The following CUX2 variants were observed in gnomAD, a reference collection of about 807,000 sequenced individuals.
The protein encoded by CUX2 is cut like homeobox 2.
A neutral mutation model predicts 144.8 loss-of-function variants in CUX2; 40 were observed. That is an observed-to-expected ratio of 0.28 (90% confidence interval 0.21 to 0.36). The LOEUF (loss-of-function observed/expected upper bound fraction) is 0.36. CUX2 is among the 10% of genes least tolerant of loss of function. The probability of loss-of-function intolerance (pLI) is 1.00; values close to 1 mark genes in which losing one functional copy is unlikely to be tolerated. For missense variants in CUX2, 1,615 were observed against 1,994.0 expected (o/e 0.81, Z 3.62); for synonymous variants, 827 against 875.6 (o/e 0.94, Z 0.98).
intron 8 of CUX2, 67 bp downstream of exon 8, chr12:111,296,606 A>C: frequency 6.9e-7 from 1 of 1,439,908 alleles, no homozygotes; most frequent in Non-Finnish European, 9.6e-7. Flanking sequence ...CCTCCTTCTG[A>C]CCCTCCAGTA....
chr12:111,051,657 A>G (rs1414677173), intron 1 of CUX2, among the ~76,000 whole-genome samples: 1 of 152,154 alleles, frequency 6.6e-6, no homozygotes, highest in Admixed American at 6.5e-5. Context: ...GACAACATAT[A>G]GTTGGATCAT....
Position 111,347,680 on chromosome 12 carries a change from G to T in CUX2, c.3816G>T (p.Val1272=). ...AGACTGAGGACCAGAAGCCAACCGTGAAGGAACTGGAGCTTCAGGAGGGCC... is the reference window on the plus strand; with the variant it reads ...AGACTGAGGACCAGAAGCCAACCGTTAAGGAACTGGAGCTTCAGGAGGGCC... The part of the protein sequence containing the change: ...DSETEDQKPT[V]KELELQEGPE... Residue 1272 remains valine, a synonymous_variant, in exon 22 of 22, where the codon GTG becomes GTT. Coordinates refer to ENST00000261726, the MANE Select transcript of CUX2 (RefSeq NM_015267.4). 3.7e-6 allele frequency: 6 copies of T among 1,613,874 alleles called. No homozygotes were observed. The highest frequency in any genetic ancestry group is 4.2e-6 in the Non-Finnish European group (5 of 1,179,958).
chr12:111,211,844 GCCACTGCACC>G (rs903383824), intron 1 of CUX2, among the ~76,000 whole-genome samples: 33 of 149,314 alleles, frequency 2.2e-4, no homozygotes, highest in South Asian at 6.4e-4. Context: ...CTGAGATGGC[GCCACTGCACC>G]CCAGCCTGGG....
At chr12:111,192,122 G>GTTTA (rs778820958) in intron 1 of CUX2, among the ~76,000 whole-genome samples, 4 of 152,018 alleles carry the variant, frequency 2.6e-5, no homozygotes, top group South Asian at 4.2e-4. Context: ...ATTATTATTT[G>GTTTA]TTTATTTATT....
intron 1 of CUX2, among the ~76,000 whole-genome samples, chr12:111,108,204 T>C (rs1357918341): frequency 6.6e-6 from 1 of 152,228 alleles, no homozygotes; most frequent in Non-Finnish European, 1.5e-5. Flanking sequence ...CATTTTGGGC[T>C]ACAGGAGTGA....
intron 1 of CUX2, among the ~76,000 whole-genome samples, chr12:111,073,340 G>T (rs942289571): frequency 1.3e-5 from 2 of 152,066 alleles, no homozygotes. Context: ...ATTACAGTTT[G>T]TTGTCATTGC....
intron 3 of CUX2, among the ~76,000 whole-genome samples, chr12:111,226,214 G>A (rs1012132959): frequency 1.3e-5 from 2 of 152,210 alleles, no homozygotes; most frequent in Non-Finnish European, 2.9e-5. Flanking sequence ...AAAGTGCTGG[G>A]ATTACAGGCG....
intron 3 of CUX2, among the ~76,000 whole-genome samples, chr12:111,231,015 CT>C: frequency 6.6e-6 from 1 of 152,096 alleles, no homozygotes; most frequent in Non-Finnish European, 1.5e-5. Flanking sequence ...TATGTATTGC[CT>C]TTTTTTCAAA....
At chr12:111,332,621 G>C (rs529129810) in intron 18 of CUX2, among the ~76,000 whole-genome samples, 1 of 135,066 alleles carries the variant, frequency 7.4e-6, no homozygotes, top group African/African-American at 3.0e-5. Context: ...TTAACTTTTC[G>C]TTTTGAGGTA....
chr12:111,109,146 AG>A (rs1873785763), intron 1 of CUX2, among the ~76,000 whole-genome samples: 1 of 152,144 alleles, frequency 6.6e-6, no homozygotes, highest in Admixed American at 6.5e-5. Context: ...TGAATTCATT[AG>A]GGGTTGCTAA....
rs1888587901 is a variant in CUX2, at chr12:111,341,764, C to A, written c.3386-16C>A. 1 of 1,565,186 alleles carries A rather than the reference C, an allele frequency of 6.4e-7. No homozygotes were observed. On this transcript the variant is annotated splice_polypyrimidine_tract_variant and intron_variant, in intron 20 of 21. Coordinates refer to ENST00000261726, the MANE Select transcript of CUX2 (RefSeq NM_015267.4). ...GGGACACCACCTCTCAGCCCTCCCT[C>A]TCTTCCTGGCCCCAGCCTACCTGAA...
In CUX2 at chr12:111,034,393, C is replaced by A. The variant is rs932828267; in HGVS notation, c.63+153C>A. On this transcript the variant is annotated intron_variant, in intron 1 of 21. Transcript: ENST00000261726. The surrounding 1 kb of genome is among the most constrained non-coding windows in gnomAD (Gnocchi z 4.2). ...CGGGGCTCGGCCGCCCGCTGCCCAT[C>A]GATAGGTATTAGGAATTGATCTCGC... Among the ~76,000 whole-genome samples the A allele has an allele frequency of 2.7e-5, 4 of 150,864 alleles. No homozygotes were observed. Among genetic ancestry groups the A allele is most frequent in the African/African-American group, 9.7e-5 (4 of 41,256 alleles).
At chr12:111,072,804 C>A (rs1455698638) in intron 1 of CUX2, among the ~76,000 whole-genome samples, 1 of 152,132 alleles carries the variant, frequency 6.6e-6, no homozygotes, top group Non-Finnish European at 1.5e-5. Flanking sequence ...GGGCAGGGAC[C>A]CCTCCCCCAA....
chr12:111,154,475 C>A (rs1390014603), intron 1 of CUX2, among the ~76,000 whole-genome samples: 2 of 152,150 alleles, frequency 1.3e-5, no homozygotes, highest in Non-Finnish European at 2.9e-5. Flanking sequence ...GGAAGGCCAG[C>A]CGGGCCACCT....
At chr12:111,226,418 T>C (rs1351352316) in intron 3 of CUX2, among the ~76,000 whole-genome samples, 2 of 152,216 alleles carry the variant, frequency 1.3e-5, no homozygotes, top group Non-Finnish European at 1.5e-5. Context: ...CACCAAAGCA[T>C]TATTGAACCT....
rs1887442720 is a variant in CUX2, at chr12:111,320,170, C to T, written c.2161C>T (p.Arg721Cys). The change falls in exon 17 of 22, where the codon CGC becomes TGC. Residue 721 changes from arginine to cysteine, a missense_variant. Arg to Cys is a radical substitution (Grantham distance 180, BLOSUM62 -3). Around this residue, in one of 12 missense-constraint regions of CUX2, gnomAD observed 390 missense variants for 387.1 expected, o/e 1.01. Coordinates refer to ENST00000261726, the MANE Select transcript of CUX2 (RefSeq NM_015267.4). This position sits in a 1 kb window ranked among gnomAD's most constrained non-coding sequence, Gnocchi z 8.1. ...LLEMEVAPRG[R>C]SVPPSPPERP... ...GGAGATGGAGGTGGCGCCCAGGGGCCGCTCGGTGCCCCCCTCGCCCCCGGA... is the reference window on the plus strand; with the variant it reads ...GGAGATGGAGGTGGCGCCCAGGGGCTGCTCGGTGCCCCCCTCGCCCCCGGA... 5 of 1,537,056 alleles carry T rather than the reference C, an allele frequency of 3.3e-6. No homozygotes were observed. Among genetic ancestry groups the T allele is most frequent in the Middle Eastern group, 1.8e-4 (1 of 5,640 alleles).
intron 1 of CUX2, among the ~76,000 whole-genome samples, chr12:111,196,205 G>C (rs1880233774): frequency 6.6e-6 from 1 of 152,180 alleles, no homozygotes; most frequent in Non-Finnish European, 1.5e-5. Flanking sequence ...TCTCTTGATT[G>C]CTAAATAATA....
intron 3 of CUX2, among the ~76,000 whole-genome samples, chr12:111,238,038 C>T (rs573996608): frequency 4.2e-4 from 64 of 152,330 alleles, no homozygotes; most frequent in Admixed American, 1.2e-3. Flanking sequence ...GATGTCCCCT[C>T]GGGGACCAAA....
intron 1 of CUX2, among the ~76,000 whole-genome samples, chr12:111,142,795 G>A (rs12312081): frequency 0.11 from 16,719 of 152,120 alleles, 3,128 homozygotes; most frequent in African/African-American, 0.38. Flanking sequence ...GATGACTGCA[G>A]TCTCATTGGA....
Sources: gnomAD v4.1 joint callset for allele counts (sites outside exome capture counted in the v4.1 genomes callset) on GRCh38, gnomAD v4.1.1 for gene constraint, gnomAD v4.1.1 regional missense constraint, Gnocchi (gnomAD v3.1) non-coding constraint, MANE v1.5 for transcripts, NCBI Gene and HGNC (gene_info 2026-07-23, HGNC 2026-07-21) for gene names.